LNPK: variants seen among roughly 807,000 people sequenced by gnomAD.
The protein encoded by LNPK is lunapark, ER junction formation factor.
Under a neutral mutation model 55.2 loss-of-function variants are expected in LNPK, and 29 were observed. The ratio of observed to expected loss-of-function variants is 0.53; its 90% CI spans 0.39 to 0.72. The LOEUF (loss-of-function observed/expected upper bound fraction) is 0.72. Among genes scored for constraint, LNPK ranks in the 30% least tolerant of loss-of-function variants. LNPK has a pLI of 0.00. For missense variants in LNPK, 467 were observed against 494.8 expected, an observed-to-expected ratio of 0.94 and a Z score of 0.53; for synonymous variants, 162 against 168.2, an observed-to-expected ratio of 0.96 and a Z score of 0.29.
chr2:175,978,431 A>C (rs1354019982), intron 5 of LNPK, among the ~76,000 whole-genome samples: 2 of 152,178 alleles, frequency 1.3e-5, no homozygotes, highest in Admixed American at 1.3e-4. Context: ...AAGTAAGACT[A>C]TAGGTTAAGA....
At chr2:175,939,492 T>C (rs1684709320) in intron 10 of LNPK, 60 bp downstream of exon 10, 4 of 885,194 alleles carry the variant, frequency 4.5e-6, no homozygotes, top group African/African-American at 1.7e-5. Flanking sequence ...ATCTAGTGTG[T>C]ACACACACAC....
chr2:175,972,574 G>A (rs955853870), intron 5 of LNPK, among the ~76,000 whole-genome samples: 2 of 151,986 alleles, frequency 1.3e-5, no homozygotes, highest in Non-Finnish European at 2.9e-5. Context: ...ATACTTTCAG[G>A]GGTGGATAAC....
chr2:175,987,675 A>T (rs1215566632), intron 4 of LNPK, among the ~76,000 whole-genome samples: 1 of 11,422 alleles, frequency 8.8e-5, no homozygotes, highest in Non-Finnish European at 3.1e-4. Flanking sequence ...AAGTATAATT[A>T]AAAAAAAAAA....
chr2:175,932,447 T>C (rs1031374298), intron 12 of LNPK, among the ~76,000 whole-genome samples: 1 of 151,474 alleles, frequency 6.6e-6, no homozygotes, highest in African/African-American at 2.4e-5. Context: ...GACTACAAAA[T>C]TGGTGAAATG....
At chr2:175,959,011 T>A (rs1685855293) in intron 8 of LNPK, among the ~76,000 whole-genome samples, 1 of 151,884 alleles carries the variant, frequency 6.6e-6, no homozygotes, top group Admixed American at 6.6e-5. Flanking sequence ...GCAAGAAGTT[T>A]AGAGAGAAAA....
At chr2:176,002,486 ACT>A, upstream of LNPK, 1 of 274,188 alleles carries the variant, frequency 3.6e-6, no homozygotes, top group South Asian at 2.9e-5. Context: ...ATTTATTATG[ACT>A]CTTAGAATAT....
intron 8 of LNPK, among the ~76,000 whole-genome samples, chr2:175,957,291 G>C (rs1685739886): frequency 2.0e-5 from 3 of 152,068 alleles, no homozygotes; most frequent in African/African-American, 2.4e-5. Flanking sequence ...CTTGGAGGCA[G>C]AGGTTGCAGC....
At chr2:175,988,839 C>A (rs536941420) in intron 4 of LNPK, among the ~76,000 whole-genome samples, 1 of 152,194 alleles carries the variant, frequency 6.6e-6, no homozygotes, top group Non-Finnish European at 1.5e-5. Flanking sequence ...AGTGGCGTGA[C>A]CTCGGCTCAC....
intron 10 of LNPK, 23 bp from the exon 11 acceptor site, chr2:175,938,406 C>G: frequency 7.0e-7 from 1 of 1,418,886 alleles, no homozygotes; most frequent in Non-Finnish European, 9.8e-7. Flanking sequence ...GAAAAATGAA[C>G]AGACCAGTTA....
intron 4 of LNPK, among the ~76,000 whole-genome samples, chr2:175,990,634 GTCT>G (rs1248385990): frequency 6.6e-6 from 1 of 152,104 alleles, no homozygotes; most frequent in Admixed American, 6.6e-5. Flanking sequence ...CCTGTGTTAA[GTCT>G]TCTTTCTTTT....
At chr2:175,973,829 A>C (rs1156365594) in intron 5 of LNPK, among the ~76,000 whole-genome samples, 1 of 152,072 alleles carries the variant, frequency 6.6e-6, no homozygotes, top group East Asian at 1.9e-4. Context: ...GTTTTTCTGA[A>C]TTTTTCTCAA....
chr2:176,001,307 T>C (rs183519684), intron 1 of LNPK, among the ~76,000 whole-genome samples: 8 of 151,880 alleles, frequency 5.3e-5, no homozygotes, highest in Admixed American at 2.0e-4. Context: ...ACCCAGGCCA[T>C]AAAGAAAGGA....
chr2:175,969,581 T>C lies in LNPK; in HGVS notation c.357+1183A>G, dbSNP rs1424513658. Reference sequence around the variant, plus strand: ...TTTAACTAATATTTCTCCATTTTGGTATAAGCAGGACTTGTCTCTGATCAC... The same window carrying C: ...TTTAACTAATATTTCTCCATTTTGGCATAAGCAGGACTTGTCTCTGATCAC... On this transcript the variant is annotated intron_variant, in intron 6 of 12. Coordinates refer to ENST00000272748, the MANE Select transcript of LNPK (RefSeq NM_030650.3). Among the ~76,000 whole-genome samples, 3 of 152,230 alleles carry C rather than the reference T, an allele frequency of 2.0e-5. No individual in the cohort carries two copies. In the East Asian group the frequency reaches 5.8e-4, roughly 29 times the overall value.
intron 9 of LNPK, among the ~76,000 whole-genome samples, chr2:175,941,810 A>G (rs1213587822): frequency 6.7e-6 from 1 of 149,338 alleles, no homozygotes; most frequent in African/African-American, 2.5e-5. Flanking sequence ...AAAAAAAAGA[A>G]AAAGAAAAAG....
chr2:175,978,184 A>G (rs1687000400), intron 5 of LNPK, among the ~76,000 whole-genome samples: 1 of 152,236 alleles, frequency 6.6e-6, no homozygotes, highest in African/African-American at 2.4e-5. Context: ...ACAATAAAAA[A>G]TACAAATTTA....
At chr2:176,000,325 G>A (rs1490523856) in intron 1 of LNPK, among the ~76,000 whole-genome samples, 1 of 151,242 alleles carries the variant, frequency 6.6e-6, no homozygotes, top group South Asian at 2.1e-4. Flanking sequence ...TTTGCAAAAT[G>A]GTAAAAATAT....
rs527358367 is a variant in LNPK at position 175,992,631 on chromosome 2, T to C, written c.70-213A>G. ...GTATAATGCTTATTCTAACATCATT[T>C]TTACAATGCAAAGTTAGTTACTATT... On this transcript the variant is annotated intron_variant, in intron 3 of 12. Transcript: ENST00000272748. Among the ~76,000 whole-genome samples the C allele has an allele frequency of 3.9e-5, 6 of 152,290 alleles. No homozygotes were observed. In the East Asian group the frequency reaches 1.2e-3, roughly 29 times the overall value.
intron 1 of LNPK, among the ~76,000 whole-genome samples, chr2:176,001,304 C>A (rs1297832507): frequency 6.6e-6 from 1 of 151,982 alleles, no homozygotes; most frequent in Non-Finnish European, 1.5e-5. Context: ...GACACCCAGG[C>A]CATAAAGAAA....
Position 175,929,871 on chromosome 2 carries a change from C to G in LNPK, c.*96G>C. On this transcript the variant is annotated 3_prime_UTR_variant, in exon 13 of 13. Transcript: ENST00000272748. ...GAATTCAAATGATACACAAGCATAC[C>G]CTTAGAGGGGCAAAAAAAGTAAGTG... 6.5e-7 allele frequency: 1 copy of G among 1,547,904 alleles called. No homozygotes were observed. Among genetic ancestry groups the G allele is most frequent in the Non-Finnish European group, 8.7e-7 (1 of 1,146,926 alleles).
Sources: allele counts gnomAD v4.1 joint callset (sites outside exome capture counted in the v4.1 genomes callset), GRCh38; gene constraint gnomAD v4.1.1; transcripts MANE v1.5; gene names NCBI Gene and HGNC (gene_info 2026-07-23, HGNC 2026-07-21).